SYT17: variants seen among roughly 807,000 people sequenced by gnomAD.
The protein encoded by SYT17 is synaptotagmin-17.
A neutral mutation model predicts 46.7 loss-of-function variants in SYT17; 22 were observed. The ratio of observed to expected loss-of-function variants is 0.47; its 90% confidence interval spans 0.34 to 0.67. SYT17 has a LOEUF of 0.67. Among genes scored for constraint, SYT17 ranks in the 30% least tolerant of loss-of-function variants. The pLI is 0.01. For synonymous variants in SYT17, 251 were observed against 248.4 expected (o/e 1.01, Z -0.10); for missense variants, 519 against 612.8 (o/e 0.85, Z 1.62).
intron 4 of SYT17, among the ~76,000 whole-genome samples, chr16:19,181,724 G>A (rs1964564285): frequency 6.6e-6 from 1 of 151,272 alleles, no homozygotes; most frequent in African/African-American, 2.4e-5. Flanking sequence ...AAAAGTCTGG[G>A]CGCGGTGGCT....
rs1964625622 is a variant in SYT17 at position 19,183,174 on chromosome 16, G to A, written c.332-354G>A. Among the ~76,000 whole-genome samples the A allele has an allele frequency of 6.6e-6, 1 of 152,204 alleles. No individual in the cohort carries two copies. ...CCCTGGCTCCTACACTTGCAAGTGT[G>A]TGACCTTCAGAAAGTTACTTAAAGC... On this transcript the variant is annotated intron_variant, in intron 4 of 7. Coordinates refer to ENST00000355377, the MANE Select transcript of SYT17 (RefSeq NM_016524.4). This position sits in a 1 kb window ranked among gnomAD's most constrained non-coding sequence, Gnocchi z 5.6.
chr16:19,228,172 TG>T (rs1966560832), intron 7 of SYT17, among the ~76,000 whole-genome samples: 3 of 152,138 alleles, frequency 2.0e-5, no homozygotes, highest in Non-Finnish European at 4.4e-5. Flanking sequence ...GAATTCCATA[TG>T]GTTACCTCAT....
chr16:19,236,035 T>C (rs1966843081), intron 7 of SYT17, among the ~76,000 whole-genome samples: 2 of 152,154 alleles, frequency 1.3e-5, no homozygotes, highest in Admixed American at 6.5e-5. Context: ...GTGGGGAGCA[T>C]TGGCATGGAG....
chr16:19,246,366 TAA>T (rs1967563677), intron 7 of SYT17, among the ~76,000 whole-genome samples: 1 of 151,408 alleles, frequency 6.6e-6, no homozygotes, highest in Non-Finnish European at 1.5e-5. Context: ...TGAATATTAA[TAA>T]ATTGATATCC....
In SYT17 at chr16:19,181,947, C is replaced by T. The variant is rs146486453; in HGVS notation, c.331+1408C>T. ...CCGGGAGGTGGAGGTTGCAGTGAGCCGAGATTGCACCACTACACTCCAGCT... is the reference window on the plus strand; with the variant it reads ...CCGGGAGGTGGAGGTTGCAGTGAGCTGAGATTGCACCACTACACTCCAGCT... On this transcript the variant is annotated intron_variant, in intron 4 of 7. Transcript: ENST00000355377. Among the ~76,000 whole-genome samples the T allele has an allele frequency of 4.1e-3, 596 of 144,320 alleles. 5 individuals carry two copies. The highest frequency in any genetic ancestry group is 0.014 in the African/African-American group (551 of 38,690). The allele number at this position is 144,320 out of a possible 152,430, so 94.7% of individuals were successfully genotyped here. A position where few individuals can be genotyped will look rare whatever the true frequency, so the allele number is the denominator to read the frequency against.
At position 19,267,560 on chromosome 16, in the gene SYT17, T is replaced by C. The variant is rs1277058617; in HGVS notation, c.*484T>C. The C allele has an allele frequency of 6.6e-6, 1 of 152,624 alleles. No homozygotes were observed. Among genetic ancestry groups the C allele is most frequent in the East Asian group, 1.9e-4 (1 of 5,194 alleles). The allele number at this position is 152,624 out of a possible 1,614,324, so 9.5% of individuals were successfully genotyped here. A position where few individuals can be genotyped will look rare whatever the true frequency, so the allele number is the denominator to read the frequency against. On this transcript the variant is annotated 3_prime_UTR_variant, in exon 8 of 8. Transcript: ENST00000355377. ...CTGAACAGGCTGCTGTTCCCTGGGG[T>C]TCTTCAAACCTGATACCTTTCTCCA...
chr16:19,216,431 G>A (rs926665388), intron 5 of SYT17, among the ~76,000 whole-genome samples: 4 of 148,724 alleles, frequency 2.7e-5, no homozygotes, highest in Admixed American at 6.7e-5. Context: ...TGTGCAGAAC[G>A]TGCAGGTTTG....
rs115324703 is a variant in SYT17 at position 19,176,092 on chromosome 16, T to C, written c.182+2514T>C. ...TTATGAAAGAATCAGGAATGATGGC[T>C]TCAGGCATAGCTGGATCCAGGAGCA... On this transcript the variant is annotated intron_variant, in intron 3 of 7. Transcript: ENST00000355377. Among the ~76,000 whole-genome samples, 165 of 152,308 alleles carry C rather than the reference T, an allele frequency of 1.1e-3. 1 individual carries two copies. The highest frequency in any genetic ancestry group is 3.8e-3 in the African/African-American group (160 of 41,564).
intron 7 of SYT17, among the ~76,000 whole-genome samples, chr16:19,236,244 T>C (rs961246058): frequency 6.6e-6 from 1 of 152,224 alleles, no homozygotes; most frequent in Non-Finnish European, 1.5e-5. Flanking sequence ...TGAACCTCGG[T>C]TTTTTTCTTG....
At chr16:19,190,094 C>G (rs1350285563) in intron 5 of SYT17, among the ~76,000 whole-genome samples, 2 of 152,216 alleles carry the variant, frequency 1.3e-5, no homozygotes, top group East Asian at 3.8e-4. Context: ...TGAAATTACA[C>G]TGGCTATTTA....
At chr16:19,196,196 T>C (rs1301239889) in intron 5 of SYT17, among the ~76,000 whole-genome samples, 1 of 152,014 alleles carries the variant, frequency 6.6e-6, no homozygotes. Context: ...CTTCAATTTA[T>C]ACTACTTTGG....
At position 19,193,002 on chromosome 16, in the gene SYT17, G is replaced by A. The variant is rs79911478; in HGVS notation, c.951+8855G>A. Reference sequence around the variant, plus strand: ...GTAGGTAAACTCTGGACCTCGTTCCGAGAAACACTGGGTGGCTGGTGGAAG... The same window carrying A: ...GTAGGTAAACTCTGGACCTCGTTCCAAGAAACACTGGGTGGCTGGTGGAAG... On this transcript the variant is annotated intron_variant, in intron 5 of 7. Transcript: ENST00000355377. Among the ~76,000 whole-genome samples the A allele has an allele frequency of 1.8e-3, 268 of 152,288 alleles. 2 individuals carry two copies. The highest frequency in any genetic ancestry group is 3.3e-3 in the Non-Finnish European group (225 of 68,024).
intron 5 of SYT17, among the ~76,000 whole-genome samples, chr16:19,188,513 CAAAAAAAAAAA>C (rs61202540): frequency 1.5e-5 from 1 of 64,584 alleles, no homozygotes; most frequent in African/African-American, 6.6e-5. Context: ...TTCAGTTCTG[CAAAAAAAAAAA>C]AAAAAAAAAA....
At chr16:19,239,952 C>T (rs1398581334) in intron 7 of SYT17, among the ~76,000 whole-genome samples, 2 of 152,244 alleles carry the variant, frequency 1.3e-5, no homozygotes, top group African/African-American at 4.8e-5. Context: ...TGCCGGCTCA[C>T]TGCGAGGCTG....
chr16:19,234,588 C>G (rs1465601194), intron 7 of SYT17, among the ~76,000 whole-genome samples: 1 of 152,116 alleles, frequency 6.6e-6, no homozygotes, highest in African/African-American at 2.4e-5. Flanking sequence ...TTGATGGACC[C>G]TGCCATAGAA....
chr16:19,220,299 C>CTTTTTTT (rs1555459730), intron 5 of SYT17, among the ~76,000 whole-genome samples: 2 of 36,362 alleles, frequency 5.5e-5, no homozygotes, highest in Admixed American at 3.0e-4. Context: ...TTCTTTCTTT[C>CTTTTTTT]TTTCTTTTTT....
intron 7 of SYT17, among the ~76,000 whole-genome samples, chr16:19,249,066 A>G (rs1204115700): frequency 1.3e-5 from 2 of 152,110 alleles, no homozygotes; most frequent in Non-Finnish European, 2.9e-5. Flanking sequence ...CAAGGTCAGG[A>G]GATCAAGACC....
chr16:19,257,745 C>T (rs1448926848), intron 7 of SYT17, among the ~76,000 whole-genome samples: 2 of 152,090 alleles, frequency 1.3e-5, no homozygotes, highest in Non-Finnish European at 1.5e-5. Context: ...ACATCTTAAC[C>T]CAGCATCAAA....
Position 19,224,837 on chromosome 16 carries a change from A to T in SYT17, c.1227A>T (p.Thr409=), listed in dbSNP as rs1360393944. The T allele has an allele frequency of 8.7e-6, 14 of 1,613,846 alleles. No individual in the cohort carries two copies. In the East Asian group the frequency reaches 2.7e-4, roughly 31 times the overall value. The part of the protein sequence containing the change: ...EELENASLVF[T]VFGHNMKSSN... ...TGGAAAATGCCAGCCTAGTGTTTACAGGTAGGTAGCATTCCAAAACCCGAT... is the reference window on the plus strand; with the variant it reads ...TGGAAAATGCCAGCCTAGTGTTTACTGGTAGGTAGCATTCCAAAACCCGAT... The change falls in exon 7 of 8, where the codon ACA becomes ACT. Residue 409 remains threonine (T), a splice_region_variant and synonymous_variant. Transcript: ENST00000355377.
Sources: gnomAD v4.1 joint callset for allele counts (sites outside exome capture counted in the v4.1 genomes callset) on GRCh38, gnomAD v4.1.1 for gene constraint, Gnocchi (gnomAD v3.1) non-coding constraint, MANE v1.5 for transcripts, NCBI Gene and HGNC (gene_info 2026-07-23, HGNC 2026-07-21) for gene names.